CFAP210: variants seen among roughly 807,000 people sequenced by gnomAD.
The protein encoded by CFAP210 is cilia and flagella associated protein 210, also known as cilia- and flagella- associated protein 210.
the CFAP210 span, among the ~76,000 whole-genome samples, chr2:169,654,882 C>T: frequency 2.0e-5 from 3 of 152,080 alleles, no homozygotes; most frequent in Non-Finnish European, 2.9e-5. Flanking sequence ...AGCGTCCTTC[C>T]ACTCCATCCA....
the CFAP210 span, chr2:169,662,137 C>T: frequency 5.1e-6 from 4 of 788,730 alleles, no homozygotes; most frequent in Middle Eastern, 3.6e-4. Context: ...ACCTAAATTC[C>T]CTTACTTGAT....
At chr2:169,662,349 A>G in the CFAP210 span, 19 of 1,605,954 alleles carry the variant, frequency 1.2e-5, no homozygotes, top group Non-Finnish European at 1.5e-5. Flanking sequence ...TTTCAATTTC[A>G]TATAATGCAT....
the CFAP210 span, among the ~76,000 whole-genome samples, chr2:169,682,747 C>T: frequency 3.3e-5 from 5 of 152,234 alleles, no homozygotes; most frequent in Admixed American, 1.3e-4. Flanking sequence ...GGTAGGACAG[C>T]AGAGTGGGTA....
the CFAP210 span, chr2:169,648,229 C>A: frequency 4.9e-6 from 1 of 202,846 alleles, no homozygotes; most frequent in African/African-American, 2.4e-5. Flanking sequence ...TTGTCTGATT[C>A]CATTTATGAG....
the CFAP210 span, among the ~76,000 whole-genome samples, chr2:169,685,066 T>C: frequency 1.3e-5 from 2 of 152,236 alleles, no homozygotes; most frequent in Middle Eastern, 3.2e-3. Flanking sequence ...TTGACTATTA[T>C]GAATAATTCT....
chr2:169,658,763 C>A, the CFAP210 span: 1 of 316,364 alleles, frequency 3.2e-6, no homozygotes, highest in South Asian at 3.0e-5. Flanking sequence ...TCTGATCATT[C>A]AAATGTTTTA....
the CFAP210 span, among the ~76,000 whole-genome samples, chr2:169,647,645 G>A: frequency 7.7e-4 from 117 of 152,176 alleles, 1 homozygote; most frequent in South Asian, 5.0e-3. Flanking sequence ...AAATCAGAAG[G>A]ATTCCAAATA....
the CFAP210 span, among the ~76,000 whole-genome samples, chr2:169,663,480 C>T: frequency 3.3e-5 from 5 of 152,138 alleles, no homozygotes; most frequent in Non-Finnish European, 7.4e-5. Flanking sequence ...GGATTACAGG[C>T]ATGAGCCAAT....
the CFAP210 span, among the ~76,000 whole-genome samples, chr2:169,657,015 G>C: frequency 7.0e-6 from 1 of 142,456 alleles, no homozygotes; most frequent in Non-Finnish European, 1.5e-5. Flanking sequence ...AAGAGAAGAA[G>C]GTGTCGAAGG....
At chr2:169,679,141 A>C in the CFAP210 span, among the ~76,000 whole-genome samples, 7 of 152,072 alleles carry the variant, frequency 4.6e-5, no homozygotes, top group Non-Finnish European at 2.9e-5. Context: ...ACACAAAAAC[A>C]AAAAAAATCA....
chr2:169,688,742 C>T, the CFAP210 span, among the ~76,000 whole-genome samples: 1 of 152,188 alleles, frequency 6.6e-6, no homozygotes, highest in Non-Finnish European at 1.5e-5. Flanking sequence ...TGGTCAAAGG[C>T]ATTCAACAAG....
At chr2:169,661,624 C>T in the CFAP210 span, among the ~76,000 whole-genome samples, 2 of 152,192 alleles carry the variant, frequency 1.3e-5, no homozygotes, top group Non-Finnish European at 2.9e-5. Flanking sequence ...ATAAATCACC[C>T]CATTCATTCC....
chr2:169,660,605 T>TA, the CFAP210 span, among the ~76,000 whole-genome samples: 10,231 of 59,696 alleles, frequency 0.17, 395 homozygotes, highest in African/African-American at 0.23. Flanking sequence ...TATATATATA[T>TA]TTTTTTTTTT....
chr2:169,648,901 T>G, the CFAP210 span, among the ~76,000 whole-genome samples: 4 of 152,314 alleles, frequency 2.6e-5, no homozygotes, highest in South Asian at 2.1e-4. Flanking sequence ...TAAAACAAGA[T>G]GAACATTATG....
the CFAP210 span, among the ~76,000 whole-genome samples, chr2:169,683,137 C>T: frequency 1.3e-5 from 2 of 152,104 alleles, no homozygotes; most frequent in African/African-American, 4.8e-5. Context: ...GGTGACTAAA[C>T]TAAAGTGTGA....
chr2:169,681,065 T>C, the CFAP210 span: 2 of 1,613,840 alleles, frequency 1.2e-6, no homozygotes, highest in Non-Finnish European at 1.7e-6. Context: ...CATTTCTTTC[T>C]TTGCCTTTCT....
chr2:169,688,303 T>A, the CFAP210 span, among the ~76,000 whole-genome samples: 20 of 152,376 alleles, frequency 1.3e-4, no homozygotes, highest in South Asian at 3.3e-3. Context: ...AAACTGGTTT[T>A]TCTTTTCTAT....
At chr2:169,670,032 A>C in the CFAP210 span, among the ~76,000 whole-genome samples, 1 of 152,176 alleles carries the variant, frequency 6.6e-6, no homozygotes, top group Non-Finnish European at 1.5e-5. Context: ...TTATCTAGGA[A>C]AAAGTGATGC....
the CFAP210 span, chr2:169,646,251 C>G: frequency 8.7e-7 from 1 of 1,145,276 alleles, no homozygotes; most frequent in Non-Finnish European, 1.3e-6. Flanking sequence ...ATATACATAG[C>G]ATTTGAAAAT....
Sources: allele counts gnomAD v4.1 joint callset (sites outside exome capture counted in the v4.1 genomes callset), GRCh38; gene constraint gnomAD v4.1.1; transcripts MANE v1.5; gene names NCBI Gene and HGNC (gene_info 2026-07-23, HGNC 2026-07-21).